TRMT11: variants seen among roughly 807,000 people sequenced by gnomAD.
The protein encoded by TRMT11 is tRNA methyltransferase 11.
A neutral mutation model predicts 62.8 loss-of-function variants in TRMT11; 53 were observed. The ratio of observed to expected loss-of-function variants is 0.84; its 90% confidence interval spans 0.68 to 1.06. TRMT11 has a LOEUF of 1.06. TRMT11 is among the 50% of genes least tolerant of loss of function. TRMT11 has a pLI of 0.00. For synonymous variants in TRMT11, 188 were observed against 190.3 expected, an observed-to-expected ratio of 0.99 and a Z score of 0.10; for missense variants, 556 against 553.4, an observed-to-expected ratio of 1.00 and a Z score of -0.05.
downstream of TRMT11, among the ~76,000 whole-genome samples, chr6:126,206,369 G>A (rs2128255032): frequency 6.6e-6 from 1 of 152,170 alleles, no homozygotes; most frequent in East Asian, 1.9e-4. Flanking sequence ...TAAGTTTGAG[G>A]TGGGGCCACA....
intron 11 of TRMT11, among the ~76,000 whole-genome samples, chr6:126,014,956 TTTA>T (rs1415026072): frequency 2.6e-5 from 4 of 152,082 alleles, no homozygotes; most frequent in African/African-American, 9.7e-5. Context: ...TAGGTGAGGT[TTTA>T]TTAGTATTTT....
the TRMT11 span, among the ~76,000 whole-genome samples, chr6:126,239,915 G>T: frequency 2.6e-5 from 4 of 151,928 alleles, no homozygotes; most frequent in Admixed American, 2.0e-4. Context: ...TTCTTTTTAT[G>T]CTTTTTTTTC....
At chr6:126,045,470 C>T (rs1276501243) in intron 16 of TRMT11, among the ~76,000 whole-genome samples, 1 of 152,100 alleles carries the variant, frequency 6.6e-6, no homozygotes, top group East Asian at 1.9e-4. Flanking sequence ...GCATGTTGAC[C>T]AAATTTCATG....
chr6:126,196,311 A>G (rs1244919315), intron 1 of TRMT11, among the ~76,000 whole-genome samples: 1 of 152,096 alleles, frequency 6.6e-6, no homozygotes. Context: ...CTCTTTCATA[A>G]TCGCTTCTTT....
At chr6:126,001,353 G>A (rs1792448120) in intron 7 of TRMT11, among the ~76,000 whole-genome samples, 1 of 151,926 alleles carries the variant, frequency 6.6e-6, no homozygotes, top group South Asian at 2.1e-4. Context: ...TTTTCAAGAT[G>A]CTATTTCTCT....
At chr6:126,230,767 A>G in the TRMT11 span, among the ~76,000 whole-genome samples, 1 of 152,086 alleles carries the variant, frequency 6.6e-6, no homozygotes, top group Non-Finnish European at 1.5e-5. Context: ...AATATATTAA[A>G]TATAGTAAAA....
chr6:126,267,055 G>T, the TRMT11 span, among the ~76,000 whole-genome samples: 12 of 151,934 alleles, frequency 7.9e-5, no homozygotes, highest in South Asian at 4.2e-4. Context: ...TTTGGTTTAG[G>T]CCCTGTTTCC....
At chr6:126,057,954 TTTTTC>T (rs1318135695) in intron 17 of TRMT11, among the ~76,000 whole-genome samples, 47 of 119,956 alleles carry the variant, frequency 3.9e-4, no homozygotes, top group African/African-American at 1.1e-3. Context: ...TCTTTTTTTC[TTTTTC>T]TTTTTTTTTT....
chr6:126,067,004 C>T (rs763605482), intron 17 of TRMT11, among the ~76,000 whole-genome samples: 5 of 151,600 alleles, frequency 3.3e-5, no homozygotes, highest in East Asian at 1.9e-4. Flanking sequence ...CCGAGGCAGG[C>T]GGATCATGAG....
intron 17 of TRMT11, among the ~76,000 whole-genome samples, chr6:126,087,459 A>C (rs2128163383): frequency 6.6e-6 from 1 of 152,362 alleles, no homozygotes; most frequent in African/African-American, 2.4e-5. Context: ...CAAGAAAATA[A>C]AATGTCAAGA....
intron 17 of TRMT11, among the ~76,000 whole-genome samples, chr6:126,082,074 G>T (rs1036374908): frequency 2.0e-5 from 3 of 152,114 alleles, no homozygotes; most frequent in Non-Finnish European, 4.4e-5. Context: ...GTTGTCTGAT[G>T]CACCTAGCCA....
intron 17 of TRMT11, among the ~76,000 whole-genome samples, chr6:126,056,001 C>T (rs1385909222): frequency 6.6e-6 from 1 of 152,146 alleles, no homozygotes; most frequent in Admixed American, 6.5e-5. Flanking sequence ...CAATGTCAAA[C>T]AATACAAGAG....
chr6:126,170,134 G>C (rs1477163378), intron 21 of TRMT11, among the ~76,000 whole-genome samples: 1 of 151,788 alleles, frequency 6.6e-6, no homozygotes, highest in African/African-American at 2.4e-5. Flanking sequence ...TTGTCAGCCT[G>C]GTGTCTTTTA....
intron 2 of TRMT11, 146 bp downstream of exon 2, chr6:125,993,968 G>T: frequency 2.2e-6 from 1 of 459,146 alleles, no homozygotes; most frequent in Non-Finnish European, 3.8e-6. Context: ...GGATATTTTT[G>T]GAAAATTTGT....
downstream of TRMT11, among the ~76,000 whole-genome samples, chr6:126,205,856 A>T (rs1450695757): frequency 1.3e-5 from 2 of 151,960 alleles, no homozygotes; most frequent in Non-Finnish European, 2.9e-5. Flanking sequence ...TCAGACAAAC[A>T]CACAGACAAC....
At chr6:126,174,257 C>T (rs1309001671), upstream of TRMT11, among the ~76,000 whole-genome samples, 4 of 152,162 alleles carry the variant, frequency 2.6e-5, no homozygotes, top group African/African-American at 7.2e-5. Context: ...AGACTCCAAA[C>T]CCAGAAAAGT....
chr6:126,160,990 G>A (rs1201515380), intron 21 of TRMT11, among the ~76,000 whole-genome samples: 2 of 152,164 alleles, frequency 1.3e-5, no homozygotes, highest in Non-Finnish European at 2.9e-5. Context: ...ACAAATCGGG[G>A]TGAGTCAAAA....
chr6:126,085,193 C>G (rs547655028), intron 17 of TRMT11, among the ~76,000 whole-genome samples: 4 of 152,238 alleles, frequency 2.6e-5, no homozygotes, highest in South Asian at 2.1e-4. Flanking sequence ...TGTTGTACAC[C>G]TTGAACATAT....
intron 21 of TRMT11, among the ~76,000 whole-genome samples, chr6:126,116,277 G>A (rs1426491827): frequency 6.6e-6 from 1 of 152,020 alleles, no homozygotes; most frequent in East Asian, 1.9e-4. Flanking sequence ...GAAGATGCTA[G>A]AATGAAGAGG....
Sources: allele counts gnomAD v4.1 joint callset (sites outside exome capture counted in the v4.1 genomes callset), GRCh38; gene constraint gnomAD v4.1.1; transcripts MANE v1.5; gene names NCBI Gene and HGNC (gene_info 2026-07-23, HGNC 2026-07-21).